The following RPRD2 variants were observed in gnomAD, a reference collection of about 807,000 sequenced individuals.
RPRD2 encodes regulation of nuclear pre-mRNA domain containing 2.
RPRD2 carries 12 observed loss-of-function variants against 104.4 expected under a neutral mutation model. That is an observed-to-expected ratio of 0.11 (90% CI 0.07 to 0.19). RPRD2 has a LOEUF of 0.19. Ranked by LOEUF, RPRD2 falls within the 10% of genes least tolerant of loss-of-function variation. The pLI is 1.00. For missense variants in RPRD2, 1,543 were observed against 1,790.1 expected (o/e 0.86, Z 2.49); for synonymous variants, 714 against 684.9 (o/e 1.04, Z -0.66).
intron 1 of RPRD2, among the ~76,000 whole-genome samples, chr1:150,384,639 TTGTGTGTG>T (rs71086504): frequency 1.3e-3 from 168 of 133,398 alleles, no homozygotes; most frequent in African/African-American, 4.0e-3. Context: ...CCTGGCTAAT[TTGTGTGTG>T]TGTGTGTGTG....
chr1:150,420,894 G>T (rs1664714331), intron 2 of RPRD2, among the ~76,000 whole-genome samples: 1 of 152,162 alleles, frequency 6.6e-6, no homozygotes, highest in South Asian at 2.1e-4. Context: ...GTCATTACTT[G>T]CAGGTAATAT....
At chr1:150,462,528 AC>A (rs1668007713) in intron 9 of RPRD2, among the ~76,000 whole-genome samples, 1 of 151,760 alleles carries the variant, frequency 6.6e-6, no homozygotes, top group Non-Finnish European at 1.5e-5. Flanking sequence ...AGTATATAAA[AC>A]CTTTTTAATG....
intron 2 of RPRD2, among the ~76,000 whole-genome samples, chr1:150,424,118 T>C (rs1184182543): frequency 6.6e-6 from 1 of 152,092 alleles, no homozygotes; most frequent in Non-Finnish European, 1.5e-5. Flanking sequence ...TTAAATGTTA[T>C]ATGTCCATAT....
At chr1:150,437,009 C>A (rs1361991044) in intron 2 of RPRD2, among the ~76,000 whole-genome samples, 4 of 152,218 alleles carry the variant, frequency 2.6e-5, no homozygotes, top group Non-Finnish European at 4.4e-5. Context: ...AGTTTGAGAT[C>A]AGCCTGGGCA....
intron 7 of RPRD2, among the ~76,000 whole-genome samples, chr1:150,456,345 G>A (rs1667522828): frequency 6.6e-6 from 1 of 152,170 alleles, no homozygotes; most frequent in Non-Finnish European, 1.5e-5. Flanking sequence ...AGGCAACTGT[G>A]TGGATGGTAA....
At chr1:150,418,029 G>A (rs987664491) in intron 2 of RPRD2, among the ~76,000 whole-genome samples, 2 of 151,090 alleles carry the variant, frequency 1.3e-5, no homozygotes, top group African/African-American at 2.4e-5. Flanking sequence ...GTGCAGTGGC[G>A]CGATCTCGGC....
chr1:150,465,853 G>A (rs1326166899), intron 10 of RPRD2, among the ~76,000 whole-genome samples: 3 of 149,522 alleles, frequency 2.0e-5, no homozygotes, highest in Non-Finnish European at 4.5e-5. Context: ...AAGGTCAGCA[G>A]TTCAAGACCA....
chr1:150,364,625 C>A lies in RPRD2; in HGVS notation c.-90C>A. ...AGCTTCCCTCCCCACCTACGGCTTTCACGCACTCGCAGTGATTGTTTTGCC... is the reference window on the plus strand; with the variant it reads ...AGCTTCCCTCCCCACCTACGGCTTTAACGCACTCGCAGTGATTGTTTTGCC... On this transcript the variant is annotated 5_prime_UTR_variant, in exon 1 of 11. Transcript: ENST00000369068. The A allele has an allele frequency of 1.5e-6, 1 of 672,102 alleles. No homozygotes were observed. 41.6% of individuals were successfully genotyped at this position (672,102 alleles called of 1,614,324 possible).
chr1:150,395,738 T>C (rs1443543755), intron 1 of RPRD2, among the ~76,000 whole-genome samples: 1 of 152,128 alleles, frequency 6.6e-6, no homozygotes, highest in Non-Finnish European at 1.5e-5. Context: ...CTCGAACTCC[T>C]GACCTCGTGA....
At chr1:150,422,172 CAT>C (rs1664802466) in intron 2 of RPRD2, among the ~76,000 whole-genome samples, 1 of 94,640 alleles carries the variant, frequency 1.1e-5, no homozygotes, top group African/African-American at 4.0e-5. Flanking sequence ...TAAAAACACA[CAT>C]ACACACACAC....
At chr1:150,376,528 GCT>G (rs1664185630) in intron 1 of RPRD2, among the ~76,000 whole-genome samples, 1 of 144,530 alleles carries the variant, frequency 6.9e-6, no homozygotes, top group Non-Finnish European at 1.5e-5. Context: ...ACGGAATCTT[GCT>G]CTGTTTGTTG....
rs1022147801 is a variant in RPRD2 at position 150,374,700 on chromosome 1, T to C, written c.205+9781T>C. On this transcript the variant is annotated intron_variant, in intron 1 of 10. Coordinates refer to ENST00000369068, the MANE Select transcript of RPRD2 (RefSeq NM_015203.5). Reference sequence around the variant, plus strand: ...ATTTGGTCAAAGAAGTCTTTGTTGATTGTTGAATGAGAATGTAGGAAAAGC... The same window carrying C: ...ATTTGGTCAAAGAAGTCTTTGTTGACTGTTGAATGAGAATGTAGGAAAAGC... Among the ~76,000 whole-genome samples the C allele has an allele frequency of 9.2e-5, 14 of 152,298 alleles. 1 individual carries two copies. In the South Asian group the frequency reaches 2.9e-3, roughly 32 times the overall value.
chr1:150,390,413 C>T (rs782206633), intron 1 of RPRD2, among the ~76,000 whole-genome samples: 2 of 152,068 alleles, frequency 1.3e-5, no homozygotes, highest in East Asian at 1.9e-4. Context: ...GCAGGAGAAT[C>T]GCTTGAATCT....
At chr1:150,371,629 A>C (rs1660303856) in intron 1 of RPRD2, among the ~76,000 whole-genome samples, 1 of 152,148 alleles carries the variant, frequency 6.6e-6, no homozygotes, top group Non-Finnish European at 1.5e-5. Flanking sequence ...TTGGCCTCCC[A>C]AAGTGCTGGG....
At chr1:150,403,425 C>G (rs1331490036) in intron 1 of RPRD2, among the ~76,000 whole-genome samples, 1 of 152,128 alleles carries the variant, frequency 6.6e-6, no homozygotes, top group African/African-American at 2.4e-5. Flanking sequence ...CAATAACTCT[C>G]CATTCCCCAG....
chr1:150,470,742 T>A lies in RPRD2; in HGVS notation c.1794T>A (p.Thr598=). Residue 598 remains threonine (T), a synonymous_variant, in exon 11 of 11, where the codon ACT becomes ACA. Coordinates refer to ENST00000369068, the MANE Select transcript of RPRD2 (RefSeq NM_015203.5). ...TCAACTATTCTCCTAACTCATCAAC[T>A]TCTGAAGTCTCTTCAACTTCAGCCA... ...KSFNYSPNSS[T]SEVSSTSASK... 1 of 1,614,042 alleles carries A rather than the reference T, an allele frequency of 6.2e-7. No individual in the cohort carries two copies. Among genetic ancestry groups the A allele is most frequent in the Non-Finnish European group, 8.5e-7 (1 of 1,179,890 alleles).
At chr1:150,452,279 C>G (rs1362120459) in intron 7 of RPRD2, among the ~76,000 whole-genome samples, 1 of 152,010 alleles carries the variant, frequency 6.6e-6, no homozygotes, top group Non-Finnish European at 1.5e-5. Flanking sequence ...ATGGGCACCA[C>G]CAGAAACCAG....
At chr1:150,454,543 T>G (rs1468547776) in intron 7 of RPRD2, among the ~76,000 whole-genome samples, 1 of 152,204 alleles carries the variant, frequency 6.6e-6, no homozygotes, top group Admixed American at 6.6e-5. Flanking sequence ...TGTATTCATA[T>G]CTTTTTAAAA....
chr1:150,429,633 CA>C (rs1208944201), intron 2 of RPRD2, among the ~76,000 whole-genome samples: 1 of 151,876 alleles, frequency 6.6e-6, no homozygotes, highest in Non-Finnish European at 1.5e-5. Context: ...AGGCCTTTCT[CA>C]AAAAAAGAAA....
Sources: allele counts gnomAD v4.1 joint callset (sites outside exome capture counted in the v4.1 genomes callset), GRCh38; gene constraint gnomAD v4.1.1; transcripts MANE v1.5; gene names NCBI Gene and HGNC (gene_info 2026-07-23, HGNC 2026-07-21).